Variants in FAM171B observed in about 807,000 individuals in gnomAD.
The protein encoded by FAM171B is family with sequence similarity 171 member B.
In FAM171B, 19 loss-of-function variants were observed where a neutral mutation model predicts 75.6. The ratio of observed to expected loss-of-function variants is 0.25; its 90% CI spans 0.18 to 0.37. The LOEUF (loss-of-function observed/expected upper bound fraction) is 0.37. FAM171B is among the 10% of genes least tolerant of loss of function. The probability of loss-of-function intolerance (pLI) is 1.00; values close to 1 mark genes in which losing one functional copy is unlikely to be tolerated. For synonymous variants in FAM171B, 367 were observed against 361.7 expected (o/e 1.01, Z -0.17); for missense variants, 848 against 982.4 (o/e 0.86, Z 1.83).
intron 1 of FAM171B, among the ~76,000 whole-genome samples, chr2:186,733,111 G>A (rs536214734): frequency 6.6e-6 from 1 of 152,316 alleles, no homozygotes; most frequent in East Asian, 1.9e-4. Context: ...TGTATTTGAA[G>A]GCTGACATGG....
chr2:186,739,866 G>A lies in FAM171B; in HGVS notation c.239-362G>A, dbSNP rs1044368041. ...ATGCTATACTTTCATACAACTGGCA[G>A]CACAGGTTTGTTTACACCAGTATTA... On this transcript the variant is annotated intron_variant, in intron 1 of 7. Coordinates refer to ENST00000304698, the MANE Select transcript of FAM171B (RefSeq NM_177454.4). Among the ~76,000 whole-genome samples, 5 of 152,130 alleles carry A rather than the reference G, an allele frequency of 3.3e-5. No homozygotes were observed. In the South Asian group the frequency reaches 8.3e-4, roughly 25 times the overall value.
rs1196697221 is a variant in FAM171B, at chr2:186,740,317, A to G, written c.328A>G (p.Thr110Ala). The change falls in exon 2 of 8, where the codon ACG (threonine) becomes GCG (alanine). Residue 110 changes from threonine to alanine, a missense_variant. This residue lies in a region of FAM171B where 665 missense variants were observed against 729.0 expected (regional missense o/e 0.91). Transcript: ENST00000304698. ...QAVVEVFVNYTKTNSTVTKSN... is the reference protein window; with the variant it reads ...QAVVEVFVNYAKTNSTVTKSN... ...AGTTGTAGAAGTGTTTGTAAACTAC[A>G]CGAAGACAAATTCCACAGTAACTAA... 4.3e-6 allele frequency: 7 copies of G among 1,614,000 alleles called. No homozygotes were observed. The highest frequency in any genetic ancestry group is 5.9e-6 in the Non-Finnish European group (7 of 1,179,974).
intron 1 of FAM171B, among the ~76,000 whole-genome samples, chr2:186,732,976 AATT>A (rs1253719547): frequency 6.6e-6 from 1 of 152,108 alleles, no homozygotes; most frequent in African/African-American, 2.4e-5. Context: ...GGTTGTGACC[AATT>A]ATTATTATAG....
At chr2:186,699,061 C>T (rs574185666) in intron 1 of FAM171B, among the ~76,000 whole-genome samples, 5 of 152,246 alleles carry the variant, frequency 3.3e-5, no homozygotes, top group South Asian at 2.1e-4. Flanking sequence ...CAAATATTGG[C>T]GATTGTGAAT....
Position 186,740,477 on chromosome 2 carries a change from G to A in FAM171B, c.472+16G>A. On this transcript the variant is annotated intron_variant, in intron 2 of 7. Coordinates refer to ENST00000304698, the MANE Select transcript of FAM171B (RefSeq NM_177454.4). ...AGAATGCCAAGTAAGCACTTAAACA[G>A]TTTTTTTTTGTTTGTTTTTGCTAAA... 6.4e-7 allele frequency: 1 copy of A among 1,557,518 alleles called. No homozygotes were observed. Among genetic ancestry groups the A allele is most frequent in the South Asian group, 1.2e-5 (1 of 85,208 alleles).
chr2:186,725,222 T>C (rs1430003869), intron 1 of FAM171B, among the ~76,000 whole-genome samples: 1 of 151,734 alleles, frequency 6.6e-6, no homozygotes, highest in Admixed American at 6.6e-5. Context: ...CAGGCACCTG[T>C]AGTCCCAGCT....
At chr2:186,706,135 T>C (rs538138639) in intron 1 of FAM171B, among the ~76,000 whole-genome samples, 2 of 152,202 alleles carry the variant, frequency 1.3e-5, no homozygotes, top group Non-Finnish European at 2.9e-5. Flanking sequence ...CAATCAGTTT[T>C]AGCAGATGAG....
At chr2:186,737,237 T>C (rs900272053) in intron 1 of FAM171B, among the ~76,000 whole-genome samples, 3 of 152,240 alleles carry the variant, frequency 2.0e-5, no homozygotes, top group African/African-American at 7.2e-5. Flanking sequence ...GGCACTTTCA[T>C]GGTGGTACAA....
chr2:186,756,179 G>T (rs1169081926), intron 6 of FAM171B, among the ~76,000 whole-genome samples: 1 of 148,116 alleles, frequency 6.8e-6, no homozygotes, highest in Admixed American at 6.7e-5. Context: ...TTATTTGTTG[G>T]AAAAGATGTT....
intron 1 of FAM171B, among the ~76,000 whole-genome samples, chr2:186,723,732 G>A (rs1689989524): frequency 6.6e-6 from 1 of 152,308 alleles, no homozygotes; most frequent in African/African-American, 2.4e-5. Flanking sequence ...TTTGCTTAAA[G>A]TATAAAACTT....
intron 1 of FAM171B, among the ~76,000 whole-genome samples, chr2:186,695,960 C>A (rs1689572095): frequency 6.6e-6 from 1 of 151,174 alleles, no homozygotes; most frequent in African/African-American, 2.4e-5. Context: ...TTTCAATGGA[C>A]CTTTCAGGAA....
At chr2:186,723,560 TA>T (rs1689986140) in intron 1 of FAM171B, among the ~76,000 whole-genome samples, 1 of 152,200 alleles carries the variant, frequency 6.6e-6, no homozygotes, top group Admixed American at 6.5e-5. Context: ...GGGTAACAGA[TA>T]AATGATGAAT....
Position 186,751,766 on chromosome 2 carries a change from G to A in FAM171B, c.895+462G>A, listed in dbSNP as rs114883287. On this transcript the variant is annotated intron_variant, in intron 5 of 7. Transcript: ENST00000304698. ...ATACTAGTTTTGTTTTCTGGGTTTCGCCTCCTAAATAGCAGCTGGAAATAT... is the reference window on the plus strand; with the variant it reads ...ATACTAGTTTTGTTTTCTGGGTTTCACCTCCTAAATAGCAGCTGGAAATAT... Among the ~76,000 whole-genome samples, 795 of 152,040 alleles carry A rather than the reference G, an allele frequency of 5.2e-3. 5 individuals are homozygous for A. The highest frequency in any genetic ancestry group is 0.018 in the African/African-American group (767 of 41,476).
intron 4 of FAM171B, among the ~76,000 whole-genome samples, chr2:186,747,851 A>G (rs1690389462): frequency 6.6e-6 from 1 of 152,222 alleles, no homozygotes; most frequent in Non-Finnish European, 1.5e-5. Context: ...ATGGAATTTT[A>G]CATTTAAAAA....
chr2:186,750,590 TTTAATC>T (rs1690437425), intron 4 of FAM171B, among the ~76,000 whole-genome samples: 1 of 149,128 alleles, frequency 6.7e-6, no homozygotes, highest in Non-Finnish European at 1.5e-5. Flanking sequence ...AAATTGTACT[TTTAATC>T]TGAATGCTTT....
chr2:186,711,536 G>A (rs1042313002), intron 1 of FAM171B, among the ~76,000 whole-genome samples: 1 of 152,190 alleles, frequency 6.6e-6, no homozygotes, highest in Non-Finnish European at 1.5e-5. Context: ...GATGAAGCCA[G>A]TACACAGAAA....
chr2:186,750,302 C>A (rs1690433133), intron 4 of FAM171B, among the ~76,000 whole-genome samples: 1 of 152,146 alleles, frequency 6.6e-6, no homozygotes, highest in Non-Finnish European at 1.5e-5. Flanking sequence ...CTCCCTCTCT[C>A]CGCCCAGAGT....
rs188775791 is a variant in FAM171B at position 186,730,574 on chromosome 2, C to T, written c.239-9654C>T. ...ACTTTAAGATATAGATATAGGTGAT[C>T]TCATCAGAGAGGGAGATTATGATTT... is the stretch of plus-strand genomic sequence containing the variant. On this transcript the variant is annotated intron_variant, in intron 1 of 7. Transcript: ENST00000304698. 1.7e-3 allele frequency among the ~76,000 whole-genome samples: 266 copies of T among 152,218 alleles called. 1 individual carries two copies. The highest frequency in any genetic ancestry group is 2.5e-3 in the Admixed American group (38 of 15,296).
rs1163400107 is a variant in FAM171B, at chr2:186,761,508, A to G, written c.1166A>G (p.Glu389Gly). ...AAGTGTGGTACTCCACAGAAAAGAGAAAGAAATATCACTAAACTTGAGGTC... is the reference window on the plus strand; with the variant it reads ...AAGTGTGGTACTCCACAGAAAAGAGGAAGAAATATCACTAAACTTGAGGTC... ...RDKCGTPQKR[E>G]RNITKLEVLK... The change falls in exon 8 of 8, where the codon GAA becomes GGA. Residue 389 changes from glutamate (E) to glycine (G), a missense_variant. Transcript: ENST00000304698. 4.4e-6 allele frequency: 7 copies of G among 1,583,732 alleles called. No individual in the cohort carries two copies. The highest frequency in any genetic ancestry group is 6.0e-6 in the Non-Finnish European group (7 of 1,170,860).
Sources: gnomAD v4.1 joint callset for allele counts (sites outside exome capture counted in the v4.1 genomes callset) on GRCh38, gnomAD v4.1.1 for gene constraint, gnomAD v4.1.1 regional missense constraint, MANE v1.5 for transcripts, NCBI Gene and HGNC (gene_info 2026-07-23, HGNC 2026-07-21) for gene names.